The following LIMA1 variants were observed in gnomAD, a reference collection of about 807,000 sequenced individuals.
The protein encoded by LIMA1 is LIM domain and actin binding 1.
In LIMA1, 52 loss-of-function variants were observed where a neutral mutation model predicts 62.6. The observed-to-expected ratio is 0.83, with a 90% confidence interval of 0.67 to 1.05. The LOEUF is 1.05. Among genes scored for constraint, LIMA1 ranks in the 50% least tolerant of loss-of-function variants. The pLI is 0.00. For synonymous variants in LIMA1, 302 were observed against 317.8 expected (o/e 0.95, Z 0.53); for missense variants, 780 against 902.2 (o/e 0.86, Z 1.74).
Position 50,222,634 on chromosome 12 carries a change from T to G in LIMA1, c.166-149A>C, listed in dbSNP as rs936421986. 3 of 1,532,992 alleles carry G rather than the reference T, an allele frequency of 2.0e-6. No individual in the cohort carries two copies. The South Asian group carries it at 3.6e-5, about 18-fold the overall frequency. 95.0% of individuals were successfully genotyped at this position (1,532,992 alleles called of 1,614,324 possible). A position where few individuals can be genotyped will look rare whatever the true frequency, so the allele number is the denominator to read the frequency against. ...TGTGAACAGTTACAGCCTTGCCACA[T>G]GGAGAAAGCATCCACCCGGCAGAGG... On this transcript the variant is annotated intron_variant, in intron 3 of 10. Transcript: ENST00000341247.
intron 1 of LIMA1, among the ~76,000 whole-genome samples, chr12:50,267,392 T>A (rs1014610333): frequency 6.6e-6 from 1 of 151,152 alleles, no homozygotes; most frequent in African/African-American, 2.4e-5. Flanking sequence ...ATTTTTGTAT[T>A]TTTTTTTAGA....
chr12:50,220,669 CTATT>C (rs1190844149), intron 4 of LIMA1: 2 of 152,170 alleles, frequency 1.3e-5, no homozygotes, highest in African/African-American at 4.8e-5. Flanking sequence ...CCCTTCCTCT[CTATT>C]TAGGATTTCT....
intron 6 of LIMA1, among the ~76,000 whole-genome samples, chr12:50,203,884 A>G (rs1244716312): frequency 1.3e-5 from 2 of 152,240 alleles, no homozygotes; most frequent in Admixed American, 1.3e-4. Flanking sequence ...AGGCAGATAC[A>G]TAAAGACAGG....
chr12:50,201,206 C>T, intron 6 of LIMA1: 3 of 1,065,924 alleles, frequency 2.8e-6, no homozygotes, highest in Non-Finnish European at 3.4e-6. Flanking sequence ...AGCAGCAGAG[C>T]TTGTGGTAAT....
chr12:50,281,253 T>C (rs1294599857), intron 1 of LIMA1, among the ~76,000 whole-genome samples: 1 of 152,112 alleles, frequency 6.6e-6, no homozygotes, highest in African/African-American at 2.4e-5. Flanking sequence ...TATAAGAATT[T>C]GAAACCTGAA....
intron 4 of LIMA1, among the ~76,000 whole-genome samples, chr12:50,220,890 GCA>G (rs1259728539): frequency 1.3e-5 from 2 of 152,216 alleles, no homozygotes; most frequent in African/African-American, 4.8e-5. Flanking sequence ...TAAAGCTCAT[GCA>G]CAGAGAAGTG....
intron 7 of LIMA1, among the ~76,000 whole-genome samples, chr12:50,197,350 G>A (rs996883093): frequency 8.6e-5 from 13 of 151,746 alleles, no homozygotes; most frequent in Admixed American, 7.9e-4. Context: ...GATTACAGGC[G>A]TGAGCCACCT....
chr12:50,244,191 C>T (rs766900601), intron 2 of LIMA1, among the ~76,000 whole-genome samples: 3 of 152,204 alleles, frequency 2.0e-5, no homozygotes, highest in Non-Finnish European at 4.4e-5. Flanking sequence ...CTCCGCCCCC[C>T]AGGTCCCAGT....
chr12:50,235,970 GC>G (rs1187839180), intron 2 of LIMA1, among the ~76,000 whole-genome samples: 5 of 152,088 alleles, frequency 3.3e-5, no homozygotes, highest in South Asian at 4.1e-4. Context: ...TTGGAAACCA[GC>G]CCCGCCAACC....
intron 1 of LIMA1, among the ~76,000 whole-genome samples, chr12:50,263,901 A>ATATATATATATAAAG (rs1942107906): frequency 1.2e-5 from 1 of 81,366 alleles, no homozygotes; most frequent in African/African-American, 5.4e-5. Context: ...TATATAAAGT[A>ATATATATATATAAAG]TGTATATATA....
In LIMA1 at chr12:50,262,812, C is replaced by CT. The variant is rs1440928955; in HGVS notation, c.-23-14039dup. ...CCAGCCTGGGCAACAGAGCAAGACT[C>CT]TGACTCAAAAATAAGTAAGTAAAGG... On this transcript the variant is annotated intron_variant, in intron 1 of 10. Transcript: ENST00000341247. Among the ~76,000 whole-genome samples the CT allele has an allele frequency of 2.0e-5, 3 of 152,080 alleles. No individual in the cohort carries two copies. The East Asian group carries it at 5.8e-4, about 29-fold the overall frequency.
Position 50,267,971 on chromosome 12 carries a change from C to T in LIMA1, c.-24+15449G>A, listed in dbSNP as rs139180203. Among the ~76,000 whole-genome samples, 616 of 152,168 alleles carry T rather than the reference C, an allele frequency of 4.0e-3. 5 individuals are homozygous for T. The highest frequency in any genetic ancestry group is 0.014 in the African/African-American group (578 of 41,524). ...TGCCCGGCCACATTTATTTTTTTAACGACATTTATAAATTGTTTATTATCT... is the reference window on the plus strand; with the variant it reads ...TGCCCGGCCACATTTATTTTTTTAATGACATTTATAAATTGTTTATTATCT... On this transcript the variant is annotated intron_variant, in intron 1 of 10. Coordinates refer to ENST00000341247, the MANE Select transcript of LIMA1 (RefSeq NM_016357.5).
chr12:50,282,164 GT>G (rs762027537), intron 1 of LIMA1, among the ~76,000 whole-genome samples: 1 of 152,006 alleles, frequency 6.6e-6, no homozygotes, highest in Non-Finnish European at 1.5e-5. Flanking sequence ...TATCTAAAAC[GT>G]GATCATCCTG....
rs752801137 is a variant in LIMA1, at chr12:50,177,566, A to T, written c.1778T>A (p.Val593Glu). 2 of 1,611,714 alleles carry T rather than the reference A, an allele frequency of 1.2e-6. No homozygotes were observed. The highest frequency in any genetic ancestry group is 1.7e-6 in the Non-Finnish European group (2 of 1,179,158). The change falls in exon 11 of 11, where the codon GTA (valine) becomes GAA (glutamate). Residue 593 changes from valine (V) to glutamate (E), a missense_variant. Val to Glu is a moderately radical substitution (Grantham distance 121). Coordinates refer to ENST00000341247, the MANE Select transcript of LIMA1 (RefSeq NM_016357.5). ...SLKERSRPFT[V>E]AASFQSTSVK... ...AGAGGTGCTTTGAAATGAAGCTGCT[A>T]CAGTGAATGGGCGGCTTCTTTCCTT...
intron 2 of LIMA1, among the ~76,000 whole-genome samples, chr12:50,241,982 C>G (rs1371422122): frequency 3.4e-4 from 17 of 49,558 alleles, no homozygotes; most frequent in African/African-American, 1.2e-3. Context: ...TGCGGTCCAG[C>G]CTCCTTTTCT....
At chr12:50,185,840 G>A (rs1186209670) in intron 9 of LIMA1, 1 of 193,812 alleles carries the variant, frequency 5.2e-6, no homozygotes, top group African/African-American at 2.3e-5. Context: ...TCACATAATT[G>A]ACTAACCTTG....
At chr12:50,185,755 CT>C (rs915176220) in intron 9 of LIMA1, 1 of 274,252 alleles carries the variant, frequency 3.6e-6, no homozygotes, top group African/African-American at 2.2e-5. Context: ...TCGGCTCTCT[CT>C]TTAATAGAGC....
chr12:50,267,108 C>T (rs1237256505), intron 1 of LIMA1, among the ~76,000 whole-genome samples: 3 of 152,026 alleles, frequency 2.0e-5, no homozygotes, highest in African/African-American at 7.2e-5. Context: ...CTAGCTCTGT[C>T]GCCCAGGCTG....
At chr12:50,268,959 A>T (rs1942171968) in intron 1 of LIMA1, among the ~76,000 whole-genome samples, 1 of 152,188 alleles carries the variant, frequency 6.6e-6, no homozygotes. Context: ...TCTTGAAACT[A>T]GGAATATTAA....
Sources: gnomAD v4.1 joint callset for allele counts (sites outside exome capture counted in the v4.1 genomes callset) on GRCh38, gnomAD v4.1.1 for gene constraint, MANE v1.5 for transcripts, NCBI Gene and HGNC (gene_info 2026-07-23, HGNC 2026-07-21) for gene names.